The following ANK3 variants were observed in gnomAD, a reference collection of about 807,000 sequenced individuals.
ANK3 encodes the protein ankyrin 3, also known as ankyrin-3.
ANK3 carries 57 observed loss-of-function variants against 370.9 expected under a neutral mutation model. The ratio of observed to expected loss-of-function variants is 0.15; its 90% confidence interval spans 0.12 to 0.19. The LOEUF (loss-of-function observed/expected upper bound fraction) is 0.19, where lower values mean the gene tolerates loss of function less well. Among genes scored for constraint, ANK3 ranks in the 10% least tolerant of loss-of-function variants. The probability of loss-of-function intolerance (pLI) is 1.00; values close to 1 mark genes in which losing one functional copy is unlikely to be tolerated. For synonymous variants in ANK3, 1,929 were observed against 1,946.3 expected (o/e 0.99, Z 0.23); for missense variants, 4,439 against 5,302.1 (o/e 0.84, Z 5.06).
chr10:60,690,257 G>A (rs2079331846), intron 1 of ANK3, among the ~76,000 whole-genome samples: 1 of 152,142 alleles, frequency 6.6e-6, no homozygotes, highest in African/African-American at 2.4e-5. Context: ...AGCCCAAGGA[G>A]GGCGAGCTGA....
At chr10:60,619,549 G>A (rs1773048337) in intron 1 of ANK3, among the ~76,000 whole-genome samples, 1 of 152,122 alleles carries the variant, frequency 6.6e-6, no homozygotes, top group South Asian at 2.1e-4. Flanking sequence ...AAAAATGCTT[G>A]GTTCTTGACT....
At chr10:60,035,874 A>G (rs918847828) in intron 43 of ANK3, among the ~76,000 whole-genome samples, 1 of 151,366 alleles carries the variant, frequency 6.6e-6, no homozygotes, top group Non-Finnish European at 1.5e-5. Context: ...AAAATAAAAA[A>G]TATTATATAT....
intron 1 of ANK3, among the ~76,000 whole-genome samples, chr10:60,730,750 A>T (rs1052688607): frequency 1.4e-4 from 22 of 152,244 alleles, no homozygotes; most frequent in African/African-American, 5.3e-4. Context: ...CAATACATAC[A>T]GGGAAAAGTT....
At chr10:60,312,222 G>A (rs978877444) in intron 1 of ANK3, among the ~76,000 whole-genome samples, 1 of 152,148 alleles carries the variant, frequency 6.6e-6, no homozygotes, top group African/African-American at 2.4e-5. Context: ...AGGGAAGGAG[G>A]AGAAGAAAAC....
chr10:60,426,811 T>C (rs1018166798), intron 2 of ANK3, among the ~76,000 whole-genome samples: 2 of 152,268 alleles, frequency 1.3e-5, no homozygotes, highest in Admixed American at 1.3e-4. Flanking sequence ...TTATGAAGTA[T>C]AGAAGCCAAT....
At chr10:60,473,164 A>G (rs1395130476) in intron 2 of ANK3, among the ~76,000 whole-genome samples, 1 of 152,236 alleles carries the variant, frequency 6.6e-6, no homozygotes, top group Non-Finnish European at 1.5e-5. Flanking sequence ...ATATCCACAG[A>G]CATGTCTATA....
At chr10:60,693,088 C>T (rs1195220298) in intron 1 of ANK3, among the ~76,000 whole-genome samples, 4 of 152,294 alleles carry the variant, frequency 2.6e-5, no homozygotes, top group South Asian at 2.1e-4. Context: ...TTGCCTCACT[C>T]GGGAAGCGCA....
intron 21 of ANK3, among the ~76,000 whole-genome samples, chr10:60,168,390 T>G (rs1038261830): frequency 1.3e-5 from 2 of 152,160 alleles, no homozygotes; most frequent in African/African-American, 4.8e-5. Flanking sequence ...TGATACATTA[T>G]TATTAAAGTT....
rs181212601 is a variant in ANK3 at position 60,381,379 on chromosome 10, T to C, written c.114+8046A>G. Among the ~76,000 whole-genome samples, 49 of 152,300 alleles carry C rather than the reference T, an allele frequency of 3.2e-4. 1 individual carries two copies. The highest frequency in any genetic ancestry group is 1.1e-3 in the African/African-American group (44 of 41,580). ...GAGATAAGCTAATTAGTACTATTGT[T>C]AATGAATAGAAAAATGTATTTAACA... On this transcript the variant is annotated intron_variant, in intron 1 of 43. Transcript: ENST00000280772.
At chr10:60,094,596 A>G (rs1024359406) in intron 28 of ANK3, among the ~76,000 whole-genome samples, 6 of 152,208 alleles carry the variant, frequency 3.9e-5, no homozygotes, top group African/African-American at 7.2e-5. Context: ...AAAATATACA[A>G]AAAGTATTAC....
chr10:60,632,129 T>A (rs909909784), intron 1 of ANK3, among the ~76,000 whole-genome samples: 1 of 152,114 alleles, frequency 6.6e-6, no homozygotes, highest in Non-Finnish European at 1.5e-5. Flanking sequence ...AAACCCTGTA[T>A]CTACAAAATC....
intron 6 of ANK3, among the ~76,000 whole-genome samples, chr10:60,263,057 A>G (rs1383418693): frequency 6.6e-6 from 1 of 152,218 alleles, no homozygotes; most frequent in Non-Finnish European, 1.5e-5. Flanking sequence ...GACATGAGGC[A>G]GCAGCACTAA....
At chr10:60,505,401 T>A (rs143453442) in intron 2 of ANK3, among the ~76,000 whole-genome samples, 2 of 152,238 alleles carry the variant, frequency 1.3e-5, no homozygotes, top group East Asian at 3.9e-4. Flanking sequence ...TAATATTTTA[T>A]ATTAAACATT....
At chr10:60,184,545 G>T (rs563815978) in intron 17 of ANK3, among the ~76,000 whole-genome samples, 5 of 152,228 alleles carry the variant, frequency 3.3e-5, no homozygotes, top group Admixed American at 3.3e-4. Flanking sequence ...ATTCCTTTAG[G>T]AATATCTCTG....
intron 1 of ANK3, among the ~76,000 whole-genome samples, chr10:60,291,570 T>C (rs547156813): frequency 6.6e-6 from 1 of 152,184 alleles, no homozygotes; most frequent in East Asian, 1.9e-4. Context: ...AGCTCCATGA[T>C]ATTATGCAAT....
chr10:60,511,018 CA>C (rs1387578613), intron 2 of ANK3, among the ~76,000 whole-genome samples: 1 of 151,998 alleles, frequency 6.6e-6, no homozygotes, highest in Non-Finnish European at 1.5e-5. Context: ...AGTGAGAAAA[CA>C]TTTTTTTAAG....
At chr10:60,572,580 A>G in intron 2 of ANK3, 1 of 1,527,940 alleles carries the variant, frequency 6.5e-7, no homozygotes, top group East Asian at 2.4e-5. Flanking sequence ...CCGGTATTCC[A>G]ACATCCAAAA....
chr10:60,293,020 A>T (rs2041785745), intron 1 of ANK3, among the ~76,000 whole-genome samples: 1 of 151,970 alleles, frequency 6.6e-6, no homozygotes, highest in Non-Finnish European at 1.5e-5. Context: ...AGGGTCCTAA[A>T]CTTTCTATCA....
At chr10:60,565,505 A>G (rs1263259370) in intron 2 of ANK3, among the ~76,000 whole-genome samples, 1 of 152,280 alleles carries the variant, frequency 6.6e-6, no homozygotes, top group Non-Finnish European at 1.5e-5. Flanking sequence ...TTCCCTGCTC[A>G]AGTCCTTTTG....
Sources: allele counts gnomAD v4.1 joint callset (sites outside exome capture counted in the v4.1 genomes callset), GRCh38; gene constraint gnomAD v4.1.1; transcripts MANE v1.5; gene names NCBI Gene and HGNC (gene_info 2026-07-23, HGNC 2026-07-21).